PCDH15: variants seen among roughly 807,000 people sequenced by gnomAD.
PCDH15 encodes protocadherin-15.
Under a neutral mutation model 178.5 loss-of-function variants are expected in PCDH15, and 129 were observed. That is an observed-to-expected ratio of 0.72 (90% CI 0.63 to 0.84). The LOEUF (loss-of-function observed/expected upper bound fraction) is 0.84, where lower values mean the gene tolerates loss of function less well. Ranked by LOEUF, PCDH15 falls within the 40% of genes least tolerant of loss-of-function variation. PCDH15 has a pLI of 0.00. For missense variants in PCDH15, 2,230 were observed against 2,099.9 expected (o/e 1.06, Z -1.21); for synonymous variants, 800 against 732.0 (o/e 1.09, Z -1.50).
intron 13 of PCDH15, among the ~76,000 whole-genome samples, chr10:54,178,481 A>G (rs2047657904): frequency 6.6e-6 from 1 of 152,134 alleles, no homozygotes. Context: ...GGGATTAGTC[A>G]CTGGAGAGAG....
chr10:55,121,026 T>C (rs1837753586), intron 2 of PCDH15, among the ~76,000 whole-genome samples: 1 of 152,076 alleles, frequency 6.6e-6, no homozygotes, highest in Admixed American at 6.6e-5. Context: ...CCCAAAACTG[T>C]AGAACTACAA....
At chr10:55,379,226 A>T (rs1284964590) in intron 2 of PCDH15, among the ~76,000 whole-genome samples, 1 of 151,490 alleles carries the variant, frequency 6.6e-6, no homozygotes, top group African/African-American at 2.4e-5. Flanking sequence ...GTAAATAATC[A>T]CCTCCCCTGT....
chr10:54,680,401 T>G (rs2135638579), intron 1 of PCDH15, among the ~76,000 whole-genome samples: 1 of 152,326 alleles, frequency 6.6e-6, no homozygotes, highest in East Asian at 1.9e-4. Flanking sequence ...AGGCATATTT[T>G]TAAGACTCTT....
At chr10:54,972,347 C>T (rs1453865551) in intron 2 of PCDH15, among the ~76,000 whole-genome samples, 1 of 150,894 alleles carries the variant, frequency 6.6e-6, no homozygotes, top group East Asian at 2.0e-4. Context: ...CGAGACCAGC[C>T]TGGACAACAG....
rs145604393 is a variant in PCDH15, at chr10:55,312,713, G to A, written c.-156+6886C>T. ...GCTCACCGCAACCTCCGCCTTCTGG[G>A]TTCAAGCGATTCTCCTGCCTCAGCC... On this transcript the variant is annotated intron_variant, in intron 1 of 5. Coordinates refer to the PCDH15 transcript ENST00000458638. 5.0e-3 allele frequency among the ~76,000 whole-genome samples: 760 copies of A among 152,122 alleles called. 11 individuals are homozygous for A. The highest frequency in any genetic ancestry group is 0.017 in the African/African-American group (707 of 41,470).
intron 18 of PCDH15, among the ~76,000 whole-genome samples, chr10:54,065,107 T>C (rs2094112771): frequency 6.6e-6 from 1 of 152,224 alleles, no homozygotes; most frequent in South Asian, 2.1e-4. Flanking sequence ...TGAGGGAATT[T>C]GACTACTTGC....
chr10:55,127,173 T>C (rs1234589250), intron 2 of PCDH15, among the ~76,000 whole-genome samples: 1 of 152,132 alleles, frequency 6.6e-6, no homozygotes, highest in African/African-American at 2.4e-5. Flanking sequence ...ATCTACTTTG[T>C]AACTTGGATG....
At chr10:54,314,080 A>T (rs2061075890) in intron 8 of PCDH15, among the ~76,000 whole-genome samples, 1 of 151,962 alleles carries the variant, frequency 6.6e-6, no homozygotes, top group Non-Finnish European at 1.5e-5. Context: ...AATACTAAAA[A>T]TATATTTTTC....
At chr10:54,853,386 T>TATATATACACAC (rs1953675726) in intron 3 of PCDH15, among the ~76,000 whole-genome samples, 3 of 79,132 alleles carry the variant, frequency 3.8e-5, no homozygotes, top group African/African-American at 1.5e-4. Flanking sequence ...TACACATACA[T>TATATATACACAC]ACATATATAT....
intron 2 of PCDH15, among the ~76,000 whole-genome samples, chr10:55,049,135 G>T (rs571031435): frequency 1.3e-5 from 2 of 152,000 alleles, no homozygotes; most frequent in East Asian, 3.9e-4. Flanking sequence ...TTAGTCTTGT[G>T]GTCACAAAGT....
chr10:54,210,961 C>T (rs6481068), intron 10 of PCDH15, among the ~76,000 whole-genome samples: 59,851 of 151,940 alleles, frequency 0.39, 15,788 homozygotes, highest in East Asian at 0.85. Context: ...AACTGAGAGA[C>T]AGTAAATTAT....
At chr10:55,388,092 G>A (rs1459053411) in intron 2 of PCDH15, among the ~76,000 whole-genome samples, 2 of 152,000 alleles carry the variant, frequency 1.3e-5, no homozygotes, top group Non-Finnish European at 2.9e-5. Flanking sequence ...ATAGTGGTCT[G>A]CGGAATAGAT....
chr10:55,458,672 T>C (rs530684019), intron 2 of PCDH15, among the ~76,000 whole-genome samples: 6 of 152,064 alleles, frequency 3.9e-5, no homozygotes, highest in Admixed American at 3.3e-4. Flanking sequence ...AGAACTAAAA[T>C]ATCTAAAGGG....
At chr10:54,153,352 G>GT (rs906089844) in intron 13 of PCDH15, 59 bp from the exon 14 acceptor site, 7 of 1,572,930 alleles carry the variant, frequency 4.5e-6, no homozygotes, top group East Asian at 2.2e-5. Context: ...CCACCATGTC[G>GT]TTTTTTCCCC....
chr10:55,066,781 T>TTTTA lies in PCDH15; in HGVS notation c.-80+99791_-80+99794dup, dbSNP rs201816521. 4.2e-3 allele frequency among the ~76,000 whole-genome samples: 637 copies of TTTTA among 151,266 alleles called. 14 individuals carry two copies. The East Asian group carries it at 0.049, about 12-fold the overall frequency. On this transcript the variant is annotated intron_variant, in intron 2 of 5. Coordinates refer to the PCDH15 transcript ENST00000458638. ...TTTCACAAATTACATGAGGTTTTTATTTTATTTTAATTTATTAATTTATAA... is the reference window on the plus strand; with the variant it reads ...TTTCACAAATTACATGAGGTTTTTATTTTATTTATTTTAATTTATTAATTTATAA...
At chr10:54,784,348 A>T (rs920168964) in intron 1 of PCDH15, among the ~76,000 whole-genome samples, 1 of 151,012 alleles carries the variant, frequency 6.6e-6, no homozygotes, top group Admixed American at 6.6e-5. Context: ...AAAAAAAAAA[A>T]AGCAAGAGAA....
At chr10:55,612,193 G>C (rs1386834543) in intron 2 of PCDH15, among the ~76,000 whole-genome samples, 1 of 151,938 alleles carries the variant, frequency 6.6e-6, no homozygotes, top group African/African-American at 2.4e-5. Flanking sequence ...TCACCATAAA[G>C]TAATGATAAA....
intron 2 of PCDH15, among the ~76,000 whole-genome samples, chr10:55,069,872 G>T (rs556579035): frequency 1.8e-4 from 28 of 152,116 alleles, no homozygotes; most frequent in Non-Finnish European, 2.8e-4. Flanking sequence ...CACAATGGTT[G>T]AACTAGTTTA....
Position 55,345,128 on chromosome 10 carries a change from AGT to A in PCDH15, c.-155-178479_-155-178478del, listed in dbSNP as rs201984363. On this transcript the variant is annotated intron_variant, in intron 2 of 5. Transcript: ENST00000613346. The stretch of plus-strand genomic sequence containing the variant: ...TCTCTCAAATATACTATGTCCTAAA[AGT>A]GTGTGTGTGTGTCTCTCTCTCTCTC... 4.0e-5 allele frequency among the ~76,000 whole-genome samples: 6 copies of A among 150,294 alleles called. No homozygotes were observed. The East Asian group carries it at 9.7e-4, about 24-fold the overall frequency.
Sources: allele counts gnomAD v4.1 joint callset (sites outside exome capture counted in the v4.1 genomes callset), GRCh38; gene constraint gnomAD v4.1.1; transcripts MANE v1.5; gene names NCBI Gene and HGNC (gene_info 2026-07-23, HGNC 2026-07-21).